TRIB2: variants seen among roughly 807,000 people sequenced by gnomAD.
The protein encoded by TRIB2 is tribbles homolog 2.
In TRIB2, 2 loss-of-function variants were observed where a neutral mutation model predicts 26.8. The ratio of observed to expected loss-of-function variants is 0.07; its 90% CI spans 0.03 to 0.24. The LOEUF is 0.24. Ranked by LOEUF, TRIB2 falls within the 10% of genes least tolerant of loss-of-function variation. The probability of loss-of-function intolerance (pLI) is 1.00; values close to 1 mark genes in which losing one functional copy is unlikely to be tolerated. For missense variants in TRIB2, 306 were observed against 449.0 expected, an observed-to-expected ratio of 0.68 and a Z score of 2.88; for synonymous variants, 189 against 187.3, an observed-to-expected ratio of 1.01 and a Z score of -0.08.
intron 1 of TRIB2, 128 bp from the exon 2 acceptor site, chr2:12,723,132 G>C: frequency 9.5e-7 from 1 of 1,058,116 alleles, no homozygotes; most frequent in Non-Finnish European, 1.3e-6. Context: ...GGCCAATGTG[G>C]TCTGGGTCCA....
chr2:12,723,127 A>G (rs776442163), intron 1 of TRIB2, 133 bp from the exon 2 acceptor site: 1 of 984,938 alleles, frequency 1.0e-6, no homozygotes, highest in Non-Finnish European at 1.5e-6. Context: ...GGCAGGGCCA[A>G]TGTGGTCTGG....
chr2:12,734,685 T>TA (rs1661532232), intron 2 of TRIB2, among the ~76,000 whole-genome samples: 2 of 152,210 alleles, frequency 1.3e-5, no homozygotes, highest in South Asian at 4.1e-4. Flanking sequence ...AGGTGGGTGT[T>TA]ACTTGTCATG....
At chr2:12,730,629 C>T (rs2103255041) in intron 2 of TRIB2, among the ~76,000 whole-genome samples, 1 of 152,196 alleles carries the variant, frequency 6.6e-6, no homozygotes, top group East Asian at 1.9e-4. Context: ...TTGTTTTTCC[C>T]CAGGGAACTA....
intron 2 of TRIB2, among the ~76,000 whole-genome samples, chr2:12,728,820 C>T (rs1661386374): frequency 6.6e-6 from 1 of 152,066 alleles, no homozygotes; most frequent in Non-Finnish European, 1.5e-5. Context: ...CCTTCCCCCA[C>T]CAACAGAGGT....
In TRIB2 at chr2:12,723,293, G is replaced by A. The variant is rs140143213; in HGVS notation, c.304G>A (p.Ala102Thr). Residue 102 changes from alanine (A) to threonine (T), a missense_variant, in exon 2 of 3, where the codon GCA (alanine) becomes ACA (threonine). Ala to Thr is a moderately conservative substitution (Grantham distance 58). Coordinates refer to ENST00000155926, the MANE Select transcript of TRIB2 (RefSeq NM_021643.4). ...TATCAGCTGCTACCAGGAATCCCTG[G>A]CACCGTGCTTTTGCCTGTCTGCTCA... The part of the protein sequence containing the change: ...FDISCYQESL[A>T]PCFCLSAHSN... The A allele has an allele frequency of 6.2e-7, 1 of 1,614,036 alleles. No individual in the cohort carries two copies. Among genetic ancestry groups the A allele is most frequent in the Non-Finnish European group, 8.5e-7 (1 of 1,180,028 alleles).
At chr2:12,726,752 GTCT>G (rs1221252213) in intron 2 of TRIB2, among the ~76,000 whole-genome samples, 2 of 152,206 alleles carry the variant, frequency 1.3e-5, no homozygotes, top group Admixed American at 6.5e-5. Context: ...TTGCGCATCA[GTCT>G]TCTTCTCAGT....
chr2:12,731,534 A>C (rs562216770), intron 2 of TRIB2, among the ~76,000 whole-genome samples: 1 of 152,326 alleles, frequency 6.6e-6, no homozygotes, highest in East Asian at 1.9e-4. Context: ...GTGGGATTGA[A>C]GAATTGGGGG....
Position 12,724,865 on chromosome 2 carries a change from G to A in TRIB2, c.563+1313G>A, listed in dbSNP as rs79947828. 9.5e-4 allele frequency: 1,508 copies of A among 1,592,270 alleles called. 17 individuals are homozygous for A. In the African/African-American group the frequency reaches 0.018, roughly 19 times the overall value. On this transcript the variant is annotated intron_variant, in intron 2 of 2. Transcript: ENST00000155926. Reference sequence around the variant, plus strand: ...AGATGAATATATGTTGACCCCCAACGATACTGACAAAGGTATTCTCTCTAC... The same window carrying A: ...AGATGAATATATGTTGACCCCCAACAATACTGACAAAGGTATTCTCTCTAC...
In TRIB2 at chr2:12,719,572, GAC is replaced by G. The variant is rs1208121494; in HGVS notation, c.270+996_270+997del. Among the ~76,000 whole-genome samples the G allele has an allele frequency of 2.5e-3, 299 of 120,526 alleles. 1 individual carries two copies. The highest frequency in any genetic ancestry group is 8.0e-3 in the African/African-American group (228 of 28,532). 79.1% of individuals were successfully genotyped at this position (120,526 alleles called of 152,430 possible). A position where few individuals can be genotyped will look rare whatever the true frequency, so the allele number is the denominator to read the frequency against. On this transcript the variant is annotated intron_variant, in intron 1 of 2. Transcript: ENST00000155926. ...TTTGTCACTTAATTTTAGATTTGCT[GAC>G]TGTTTTTTTTTTTTTTTGAGGGGGT...
intron 2 of TRIB2, among the ~76,000 whole-genome samples, chr2:12,731,478 C>G (rs868555698): frequency 6.6e-6 from 1 of 152,074 alleles, no homozygotes; most frequent in Non-Finnish European, 1.5e-5. Flanking sequence ...GTAAAGCAGC[C>G]GGGCATGGGT....
chr2:12,738,600 C>G (rs1661638186), intron 2 of TRIB2, among the ~76,000 whole-genome samples: 1 of 152,134 alleles, frequency 6.6e-6, no homozygotes, highest in Admixed American at 6.5e-5. Context: ...CCAGGAGAGT[C>G]AGAGGAAGAT....
In TRIB2 at chr2:12,722,257, T is replaced by C. The variant is rs191939439; in HGVS notation, c.271-1003T>C. Among the ~76,000 whole-genome samples, 29 of 152,322 alleles carry C rather than the reference T, an allele frequency of 1.9e-4. No homozygotes were observed. The East Asian group carries it at 5.2e-3, about 27-fold the overall frequency. ...TGTGAACTGATAGCATGCAGTGTAT[T>C]GTTAGGGCGTTCCTGCCTCAGATGC... On this transcript the variant is annotated intron_variant, in intron 1 of 2. Coordinates refer to ENST00000155926, the MANE Select transcript of TRIB2 (RefSeq NM_021643.4).
chr2:12,737,091 C>A (rs35813065), intron 2 of TRIB2, among the ~76,000 whole-genome samples: 252 of 152,058 alleles, frequency 1.7e-3, no homozygotes, highest in Non-Finnish European at 2.7e-3. Flanking sequence ...AAGAGATGGT[C>A]GAGAGTCCCT....
At chr2:12,730,290 C>T (rs952849361) in intron 2 of TRIB2, among the ~76,000 whole-genome samples, 2 of 152,198 alleles carry the variant, frequency 1.3e-5, no homozygotes, top group Non-Finnish European at 1.5e-5. Flanking sequence ...GAAAATTGAT[C>T]CTCAGAGTCT....
intron 1 of TRIB2, 81 bp from the exon 2 acceptor site, chr2:12,723,179 C>A: frequency 2.0e-6 from 3 of 1,471,470 alleles, no homozygotes; most frequent in Non-Finnish European, 2.8e-6. Context: ...AAAGCCCATA[C>A]CTGTGGGAGG....
intron 2 of TRIB2, chr2:12,724,556 A>T: frequency 6.5e-7 from 1 of 1,545,454 alleles, no homozygotes; most frequent in Non-Finnish European, 8.7e-7. Context: ...TACCTTTATT[A>T]ACAAACTGAG....
In TRIB2 at chr2:12,741,041, G is replaced by T; in HGVS notation, c.*247G>T. 1 of 491,004 alleles carries T rather than the reference G, an allele frequency of 2.0e-6. No homozygotes were observed. Among genetic ancestry groups the T allele is most frequent in the South Asian group, 2.8e-5 (1 of 35,244 alleles). The allele number at this position is 491,004 out of a possible 1,614,324, so 30.4% of individuals were successfully genotyped here. On this transcript the variant is annotated 3_prime_UTR_variant, in exon 3 of 3. Transcript: ENST00000155926. ...GAGCTTGTCTTCCCTAACATAGCCT[G>T]GGAGACCACCCCTTGCCACTTGGGC...
chr2:12,721,718 G>A (rs1661225395), intron 1 of TRIB2, among the ~76,000 whole-genome samples: 1 of 152,132 alleles, frequency 6.6e-6, no homozygotes, highest in Non-Finnish European at 1.5e-5. Flanking sequence ...GCCTCGTTAT[G>A]GTTCATTCAC....
rs1358904835 is a variant in TRIB2 at position 12,742,548 on chromosome 2, A to T, written c.*1754A>T. On this transcript the variant is annotated 3_prime_UTR_variant, in exon 3 of 3. Transcript: ENST00000155926. ...GGTTTTTTTTTTTTTTAACATTCTGAAGATGGTGCTGTGTCAAGAAGGACC... is the reference window on the plus strand; with the variant it reads ...GGTTTTTTTTTTTTTTAACATTCTGTAGATGGTGCTGTGTCAAGAAGGACC... 1 of 151,698 alleles carries T rather than the reference A, an allele frequency of 6.6e-6. No individual in the cohort carries two copies. The highest frequency in any genetic ancestry group is 1.5e-5 in the Non-Finnish European group (1 of 67,864). 9.4% of individuals were successfully genotyped at this position (151,698 alleles called of 1,614,324 possible).
Sources: allele counts gnomAD v4.1 joint callset (sites outside exome capture counted in the v4.1 genomes callset), GRCh38; gene constraint gnomAD v4.1.1; transcripts MANE v1.5; gene names NCBI Gene and HGNC (gene_info 2026-07-23, HGNC 2026-07-21).